Variants in CEP83 observed in about 807,000 individuals in gnomAD.
The protein encoded by CEP83 is centrosomal protein 83.
In CEP83, 70 loss-of-function variants were observed where a neutral mutation model predicts 101.9. The observed-to-expected ratio is 0.69, with a 90% confidence interval of 0.57 to 0.84. CEP83 has a LOEUF of 0.84. Ranked by LOEUF, CEP83 falls within the 40% of genes least tolerant of loss-of-function variation. The pLI is 0.00. For missense variants in CEP83, 715 were observed against 787.2 expected (o/e 0.91, Z 1.10); for synonymous variants, 264 against 267.9 (o/e 0.99, Z 0.14).
chr12:94,361,065 A>T (rs984495539), intron 11 of CEP83, among the ~76,000 whole-genome samples: 5 of 152,204 alleles, frequency 3.3e-5, no homozygotes, highest in African/African-American at 7.2e-5. Context: ...CAGAAGAATA[A>T]AACTAGATCC....
chr12:94,275,854 CAAAAAAAA>C, the CEP83 span, among the ~76,000 whole-genome samples: 3 of 23,074 alleles, frequency 1.3e-4, no homozygotes, highest in African/African-American at 6.0e-4. Flanking sequence ...GACTCCGTCT[CAAAAAAAA>C]AAAAAAAAAA....
rs2066523902 is a variant in CEP83 at position 94,443,012 on chromosome 12, A to G, written c.-154-7685T>C. Among the ~76,000 whole-genome samples, 3 of 152,318 alleles carry G rather than the reference A, an allele frequency of 2.0e-5. No homozygotes were observed. The South Asian group carries it at 6.2e-4, about 32-fold the overall frequency. ...TTTCTCATTCTTACATAGCCTACAA[A>G]TATCACCAAAACAATCTTTCTCATA... On this transcript the variant is annotated intron_variant, in intron 1 of 16. Transcript: ENST00000397809.
chr12:94,380,628 A>C (rs188593838), intron 6 of CEP83, among the ~76,000 whole-genome samples: 2 of 152,258 alleles, frequency 1.3e-5, no homozygotes, highest in East Asian at 3.9e-4. Flanking sequence ...TATGGTTTTA[A>C]TGTGCTATAT....
At chr12:94,286,826 G>A in the CEP83 span, among the ~76,000 whole-genome samples, 4 of 152,042 alleles carry the variant, frequency 2.6e-5, no homozygotes, top group African/African-American at 7.2e-5. Context: ...TGTCCTTAGG[G>A]CAAACAGAGT....
At chr12:94,356,943 T>C (rs1003170664) in intron 11 of CEP83, among the ~76,000 whole-genome samples, 12 of 152,156 alleles carry the variant, frequency 7.9e-5, no homozygotes, top group African/African-American at 1.7e-4. Flanking sequence ...GATGATGCCA[T>C]AGAACAACTT....
intron 2 of CEP83, chr12:94,424,359 G>A (rs551073133): frequency 6.2e-7 from 1 of 1,614,028 alleles, no homozygotes; most frequent in Admixed American, 1.7e-5. Flanking sequence ...GGTACTCCAG[G>A]GGGTGTCTTA....
chr12:94,346,644 T>G (rs1340325589), intron 11 of CEP83, among the ~76,000 whole-genome samples: 2 of 152,146 alleles, frequency 1.3e-5, no homozygotes, highest in Admixed American at 6.6e-5. Context: ...GGACCAAGCC[T>G]TCAACCCGCA....
chr12:94,282,464 C>A, the CEP83 span: 1 of 1,086,418 alleles, frequency 9.2e-7, no homozygotes, highest in Non-Finnish European at 1.4e-6. Context: ...CATGGACATT[C>A]TTTTAAAACA....
At chr12:94,351,911 C>T (rs1361606629) in intron 11 of CEP83, among the ~76,000 whole-genome samples, 4 of 152,196 alleles carry the variant, frequency 2.6e-5, no homozygotes, top group Admixed American at 1.3e-4. Flanking sequence ...CAGCAGAGAC[C>T]ACTGAGGTAC....
chr12:94,282,243 G>A, the CEP83 span: 1 of 1,213,124 alleles, frequency 8.2e-7, no homozygotes, highest in Non-Finnish European at 1.2e-6. Flanking sequence ...ATTTGTGAAA[G>A]TAAAGTGGTG....
chr12:94,406,850 A>C (rs1218014425), intron 4 of CEP83, among the ~76,000 whole-genome samples: 1 of 151,358 alleles, frequency 6.6e-6, no homozygotes, highest in African/African-American at 2.4e-5. Flanking sequence ...TGGTATGAAC[A>C]CAGGAGGCGG....
chr12:94,333,003 C>T (rs2059289930), intron 13 of CEP83, among the ~76,000 whole-genome samples: 1 of 137,054 alleles, frequency 7.3e-6, no homozygotes, highest in Admixed American at 8.1e-5. Context: ...TTATCCCTAC[C>T]AGTTTTACTC....
chr12:94,304,557 T>C (rs1968805989), downstream of CEP83, among the ~76,000 whole-genome samples: 1 of 152,200 alleles, frequency 6.6e-6, no homozygotes, highest in African/African-American at 2.4e-5. Context: ...ATCAGATGCT[T>C]TGTTTCCAAA....
At chr12:94,385,366 G>T (rs550138286) in intron 6 of CEP83, among the ~76,000 whole-genome samples, 59 of 152,216 alleles carry the variant, frequency 3.9e-4, no homozygotes, top group African/African-American at 1.3e-3. Flanking sequence ...ACATGACCCA[G>T]GATGTCATGT....
At chr12:94,358,628 C>T (rs1490184631) in intron 11 of CEP83, among the ~76,000 whole-genome samples, 2 of 152,168 alleles carry the variant, frequency 1.3e-5, no homozygotes, top group Non-Finnish European at 2.9e-5. Context: ...AAGAAAAAAT[C>T]AGGAAAATGG....
At chr12:94,297,231 G>C in the CEP83 span, 2 of 1,614,026 alleles carry the variant, frequency 1.2e-6, no homozygotes, top group African/African-American at 1.3e-5. Context: ...GTGAGTTCAG[G>C]CTTTCTTGTG....
intron 6 of CEP83, among the ~76,000 whole-genome samples, chr12:94,384,766 T>C (rs184835944): frequency 6.6e-6 from 1 of 152,346 alleles, no homozygotes; most frequent in Admixed American, 6.5e-5. Context: ...GTTTCTTTGC[T>C]AAGTCTTTTG....
the CEP83 span, chr12:94,282,275 A>G: frequency 1.3e-6 from 2 of 1,549,518 alleles, no homozygotes; most frequent in African/African-American, 1.4e-5. Flanking sequence ...CTCTCTAAAA[A>G]GGAACAAAAT....
chr12:94,438,672 C>T (rs1020726556), intron 1 of CEP83, among the ~76,000 whole-genome samples: 1 of 152,124 alleles, frequency 6.6e-6, no homozygotes, highest in Non-Finnish European at 1.5e-5. Context: ...ACAGACTATA[C>T]CCTAAAACAA....
Sources: allele counts gnomAD v4.1 joint callset (sites outside exome capture counted in the v4.1 genomes callset), GRCh38; gene constraint gnomAD v4.1.1; transcripts MANE v1.5; gene names NCBI Gene and HGNC (gene_info 2026-07-23, HGNC 2026-07-21).